TPTE: variants seen among roughly 807,000 people sequenced by gnomAD.
TPTE encodes putative tyrosine-protein phosphatase TPTE.
TPTE carries 59 observed loss-of-function variants against 84.1 expected under a neutral mutation model. The observed-to-expected ratio is 0.70, with a 90% CI of 0.57 to 0.87. The LOEUF (loss-of-function observed/expected upper bound fraction) is 0.87. Ranked by LOEUF, TPTE falls within the 40% of genes least tolerant of loss-of-function variation. The pLI is 0.00. For missense variants in TPTE, 382 were observed against 659.6 expected (o/e 0.58, Z 4.61); for synonymous variants, 130 against 223.5 (o/e 0.58, Z 3.73).
intron 21 of TPTE, among the ~76,000 whole-genome samples, chr21:10,599,987 T>C (rs1236116578): frequency 2.0e-5 from 3 of 152,302 alleles, no homozygotes; most frequent in African/African-American, 4.8e-5. Flanking sequence ...TTATTTTTCA[T>C]AGAGGCTGGG....
intron 10 of TPTE, among the ~76,000 whole-genome samples, chr21:10,562,912 A>C (rs1451730281): frequency 6.6e-6 from 1 of 152,310 alleles, no homozygotes; most frequent in Non-Finnish European, 1.5e-5. Context: ...AAAGTTATAA[A>C]ACACCAAGCA....
At chr21:10,565,392 G>A (rs1478992635) in intron 10 of TPTE, among the ~76,000 whole-genome samples, 5 of 152,308 alleles carry the variant, frequency 3.3e-5, no homozygotes, top group Non-Finnish European at 5.9e-5. Flanking sequence ...CCATGTTCAT[G>A]GATTGGAAGA....
Position 10,605,467 on chromosome 21 carries a change from G to A in TPTE, c.1571G>A (p.Arg524Gln), listed in dbSNP as rs749565759. 115 of 1,613,732 alleles carry A rather than the reference G, an allele frequency of 7.1e-5. No homozygotes were observed. Among genetic ancestry groups the A allele is most frequent in the Admixed American group, 1.8e-4 (11 of 59,988 alleles). Residue 524 changes from arginine to glutamine, a missense_variant, in exon 24 of 24, where the codon CGG (arginine) becomes CAG (glutamine). Physicochemically the swap from Arg to Gln is conservative, Grantham distance 43. Transcript: ENST00000618007. ...ELDNLHKQKA[R>Q]RIYPSDFAVE... ...GATAATCTACATAAACAAAAAGCAC[G>A]GAGAATTTATCCATCAGATTTTGCC...
At chr21:10,533,612 C>A (rs1347262447) in intron 3 of TPTE, among the ~76,000 whole-genome samples, 1 of 152,312 alleles carries the variant, frequency 6.6e-6, no homozygotes, top group Non-Finnish European at 1.5e-5. Flanking sequence ...ATAGCACCCA[C>A]TTTTTCCTTT....
intron 23 of TPTE, 106 bp from the exon 24 acceptor site, chr21:10,605,311 T>G: frequency 7.0e-7 from 1 of 1,431,178 alleles, no homozygotes; most frequent in Non-Finnish European, 9.4e-7. Context: ...GTTCTATTCA[T>G]GGTGAGGTTC....
In TPTE at chr21:10,561,172, C is replaced by T. The variant is rs1421061378; in HGVS notation, c.427C>T (p.Leu143Phe). 2 of 1,611,772 alleles carry T rather than the reference C, an allele frequency of 1.2e-6. No homozygotes were observed. The highest frequency in any genetic ancestry group is 1.7e-6 in the Non-Finnish European group (2 of 1,179,810). ...IALFFLMDVL[L>F]RVFVERRQQY... ...CTTATTTTTTCTCATGGATGTTCTT[C>T]TTCGAGTATTTGTAGAAAGGTAAGT... The change falls in exon 10 of 24, where the codon CTT (leucine) becomes TTT (phenylalanine). Residue 143 changes from leucine (L) to phenylalanine (F), a missense_variant. Around this residue, in one of 10 missense-constraint regions of TPTE, gnomAD observed 85 missense variants for 230.9 expected, o/e 0.37. Coordinates refer to ENST00000618007, the MANE Select transcript of TPTE (RefSeq NM_199261.4).
In TPTE at chr21:10,548,268, A is replaced by G. The variant is rs1184984063; in HGVS notation, c.174-4389A>G. On this transcript the variant is annotated intron_variant, in intron 7 of 23. Coordinates refer to ENST00000618007, the MANE Select transcript of TPTE (RefSeq NM_199261.4). ...AGCTTGAGGAACAGCCCTTTAGGCC[A>G]CCCCACACAGAAACACTCCCAGGCC... 8.5e-5 allele frequency among the ~76,000 whole-genome samples: 13 copies of G among 152,410 alleles called. No homozygotes were observed. In the South Asian group the frequency reaches 2.5e-3, roughly 29 times the overall value.
At chr21:10,573,899 G>A (rs2075096621) in intron 14 of TPTE, among the ~76,000 whole-genome samples, 1 of 152,312 alleles carries the variant, frequency 6.6e-6, no homozygotes, top group Non-Finnish European at 1.5e-5. Context: ...TTCAGGCCCA[G>A]GCTCAAAATT....
At chr21:10,574,254 C>CT (rs1380885285) in intron 14 of TPTE, among the ~76,000 whole-genome samples, 278 of 151,906 alleles carry the variant, frequency 1.8e-3, no homozygotes, top group Middle Eastern at 3.4e-3. Context: ...AAAAATATAA[C>CT]TATCGAGGGC....
intron 14 of TPTE, among the ~76,000 whole-genome samples, chr21:10,573,027 A>G (rs1385122564): frequency 6.6e-6 from 1 of 152,298 alleles, no homozygotes; most frequent in Admixed American, 6.5e-5. Context: ...TCAAATTCCC[A>G]ATTAAAAGAT....
chr21:10,566,310 C>A (rs1382713071), intron 10 of TPTE, among the ~76,000 whole-genome samples: 2 of 152,312 alleles, frequency 1.3e-5, no homozygotes, highest in African/African-American at 2.4e-5. Context: ...CATGAGATAT[C>A]ATCTCACCCC....
intron 8 of TPTE, among the ~76,000 whole-genome samples, chr21:10,557,376 A>G (rs1406932497): frequency 6.6e-6 from 1 of 152,312 alleles, no homozygotes; most frequent in Admixed American, 6.5e-5. Flanking sequence ...TACTTGGTAT[A>G]GTTTCAGGGT....
chr21:10,586,101 C>A (rs561923825), intron 17 of TPTE, among the ~76,000 whole-genome samples: 42 of 152,270 alleles, frequency 2.8e-4, no homozygotes, highest in African/African-American at 9.6e-4. Flanking sequence ...TTAGTACTTT[C>A]TTCTGTACTC....
chr21:10,572,446 T>C (rs1405643343), intron 14 of TPTE, among the ~76,000 whole-genome samples: 1 of 122,660 alleles, frequency 8.2e-6, no homozygotes, highest in Non-Finnish European at 1.6e-5. Flanking sequence ...AGCGAGACTG[T>C]ATCCAAAAAA....
chr21:10,522,858 A>G (rs2049278548), intron 1 of TPTE, among the ~76,000 whole-genome samples: 2 of 152,306 alleles, frequency 1.3e-5, no homozygotes, highest in Non-Finnish European at 2.9e-5. Context: ...AACATTTACC[A>G]TGTCTTTGAT....
chr21:10,561,291 A>G (rs2074799082), intron 10 of TPTE, 100 bp downstream of exon 10: 1 of 1,492,530 alleles, frequency 6.7e-7, no homozygotes, highest in Non-Finnish European at 9.1e-7. Flanking sequence ...CAGGAGTTCG[A>G]GACGATCCTG....
intron 1 of TPTE, among the ~76,000 whole-genome samples, chr21:10,521,923 CCCTCCCCGT>C (rs2073984550): frequency 3.3e-5 from 5 of 152,258 alleles, no homozygotes; most frequent in Admixed American, 6.5e-5. Flanking sequence ...CCTCCCTCCG[CCCTCCCCGT>C]CCCCTCCTCT....
At chr21:10,568,219 A>C (rs212136) in intron 11 of TPTE, among the ~76,000 whole-genome samples, 4 of 151,438 alleles carry the variant, frequency 2.6e-5, no homozygotes, top group African/African-American at 9.7e-5. Context: ...TTCAACTACA[A>C]ATCCCTTACA....
chr21:10,526,923 A>G (rs1300555813), intron 2 of TPTE, among the ~76,000 whole-genome samples: 1 of 152,310 alleles, frequency 6.6e-6, no homozygotes, highest in East Asian at 1.9e-4. Context: ...ATTGTAAAAC[A>G]TAGCCATATA....
Sources: allele counts gnomAD v4.1 joint callset (sites outside exome capture counted in the v4.1 genomes callset), GRCh38; gene constraint gnomAD v4.1.1; regional missense constraint gnomAD v4.1.1; transcripts MANE v1.5; gene names NCBI Gene and HGNC (gene_info 2026-07-23, HGNC 2026-07-21).